GBP5: variants seen among roughly 807,000 people sequenced by gnomAD.
The protein encoded by GBP5 is guanylate-binding protein 5.
GBP5 carries 48 observed loss-of-function variants against 58.2 expected under a neutral mutation model. That is an observed-to-expected ratio of 0.83 (90% CI 0.65 to 1.05). The LOEUF is 1.05. Among genes scored for constraint, GBP5 ranks in the 50% least tolerant of loss-of-function variants. The pLI, the probability that GBP5 is intolerant of heterozygous loss-of-function variation, is 0.00. For missense variants in GBP5, 714 were observed against 686.8 expected, an observed-to-expected ratio of 1.04 and a Z score of -0.44; for synonymous variants, 248 against 251.8, an observed-to-expected ratio of 0.98 and a Z score of 0.14.
Position 89,266,498 on chromosome 1 carries a change from G to A in GBP5, c.716C>T (p.Pro239Leu). The A allele has an allele frequency of 6.2e-7, 1 of 1,614,036 alleles. No homozygotes were observed. Among genetic ancestry groups the A allele is most frequent in the African/African-American group, 1.3e-5 (1 of 75,028 alleles). The part of the protein sequence containing the change: ...PKKKCFIFDL[P>L]AHQKKLAQLE... ...TTGGGCAAGCTTTTTTTGGTGAGCAGGTAAGTCAAAGATAAAGCATTTCTT... is the reference window on the plus strand; with the variant it reads ...TTGGGCAAGCTTTTTTTGGTGAGCAAGTAAGTCAAAGATAAAGCATTTCTT... The change falls in exon 7 of 12, where the codon CCT (proline) becomes CTT (leucine). Residue 239 changes from proline (P) to leucine (L), a missense_variant. Coordinates refer to ENST00000370459, the MANE Select transcript of GBP5 (RefSeq NM_052942.5).
At position 89,257,332 on chromosome 1, in the gene GBP5, A is replaced by G. The variant is rs975874048; in HGVS notation, c.*3372T>C. Reference sequence around the variant, plus strand: ...GCGACTTATTCACTATCATGAAAAAAGCACATGAAAACCCACCCCCATGAT... The same window carrying G: ...GCGACTTATTCACTATCATGAAAAAGGCACATGAAAACCCACCCCCATGAT... On this transcript the variant is annotated 3_prime_UTR_variant, in exon 12 of 12. Transcript: ENST00000370459. 3.9e-5 allele frequency among the ~76,000 whole-genome samples: 6 copies of G among 152,148 alleles called. No individual in the cohort carries two copies. Among genetic ancestry groups the G allele is most frequent in the African/African-American group, 1.4e-4 (6 of 41,418 alleles).
rs997166255 is a variant in GBP5 at position 89,259,612 on chromosome 1, C to T, written c.*1092G>A. ...AGCCCAGTTAGGGACACCCTGCCCC[C>T]AGAGGAATATAACAAGCCCCCTCCC... On this transcript the variant is annotated 3_prime_UTR_variant, in exon 12 of 12. Transcript: ENST00000370459. 1.3e-5 allele frequency: 2 copies of T among 152,076 alleles called. No homozygotes were observed. Among genetic ancestry groups the T allele is most frequent in the Non-Finnish European group, 2.9e-5 (2 of 68,032 alleles). 9.4% of individuals were successfully genotyped at this position (152,076 alleles called of 1,614,324 possible). A position where few individuals can be genotyped will look rare whatever the true frequency, so the allele number is the denominator to read the frequency against.
chr1:89,264,900 T>C lies in GBP5; in HGVS notation c.935A>G (p.Asn312Ser), dbSNP rs1319316736. 1 of 1,614,128 alleles carries C rather than the reference T, an allele frequency of 6.2e-7. No individual in the cohort carries two copies. Among genetic ancestry groups the C allele is most frequent in the African/African-American group, 1.3e-5 (1 of 74,924 alleles). Residue 312 changes from asparagine to serine, a missense_variant, in exon 8 of 12, where the codon AAT becomes AGT. Transcript: ENST00000370459. ...ISSGDLPCIENAVLALAQREN... is the reference protein window; with the variant it reads ...ISSGDLPCIESAVLALAQREN... Reference sequence around the variant, plus strand: ...TCTCTGAGCCAAGGCCAGGACTGCATTCTCTATGCAAGGCAGATCCCCACT... The same window carrying C: ...TCTCTGAGCCAAGGCCAGGACTGCACTCTCTATGCAAGGCAGATCCCCACT...
intron 6 of GBP5, 106 bp from the exon 7 acceptor site, chr1:89,266,694 T>G: frequency 8.9e-7 from 1 of 1,121,368 alleles, no homozygotes; most frequent in Non-Finnish European, 1.3e-6. Context: ...GATTAATATA[T>G]CTTCATAAAC....
rs986563613 is a variant in GBP5 at position 89,257,081 on chromosome 1, T to C, written c.*3623A>G. ...TTTAACACATTATTCAGTATTTCTATGTTTTCCTAAGTATATTAGTCCATT... is the reference window on the plus strand; with the variant it reads ...TTTAACACATTATTCAGTATTTCTACGTTTTCCTAAGTATATTAGTCCATT... On this transcript the variant is annotated 3_prime_UTR_variant, in exon 12 of 12. Transcript: ENST00000370459. Among the ~76,000 whole-genome samples the C allele has an allele frequency of 6.6e-6, 1 of 152,254 alleles. No homozygotes were observed. The highest frequency in any genetic ancestry group is 2.4e-5 in the African/African-American group (1 of 41,466).
rs993943901 is a variant in GBP5 at position 89,263,729 on chromosome 1, G to T, written c.1362+7C>A. The T allele has an allele frequency of 1.9e-6, 3 of 1,599,848 alleles. No homozygotes were observed. The African/African-American group carries it at 4.0e-5, about 21-fold the overall frequency. ...CAATTCTCCACAATAGGTAGAACTA[G>T]GGATACCTGTATTCCTTTCCGAGGC... is the stretch of plus-strand genomic sequence containing the variant. On this transcript the variant is annotated splice_region_variant and intron_variant, in intron 9 of 11. Coordinates refer to ENST00000370459, the MANE Select transcript of GBP5 (RefSeq NM_052942.5).
At chr1:89,262,188 G>A (rs1194484780) in intron 11 of GBP5, 32 bp downstream of exon 11, 9 of 1,602,996 alleles carry the variant, frequency 5.6e-6, no homozygotes, top group Non-Finnish European at 7.7e-6. Flanking sequence ...CATCGTTACA[G>A]GCAGGGGAGA....
chr1:89,262,798 A>G lies in GBP5; in HGVS notation c.1363-13T>C. On this transcript the variant is annotated splice_polypyrimidine_tract_variant and intron_variant, in intron 9 of 11. Coordinates refer to ENST00000370459, the MANE Select transcript of GBP5 (RefSeq NM_052942.5). ...GAACTTCTTCAGCCTAGCAACCCGG[A>G]AAACATGCAGTTAGATGCAGGAAAT... 6.8e-7 allele frequency: 1 copy of G among 1,477,072 alleles called. No individual in the cohort carries two copies. Among genetic ancestry groups the G allele is most frequent in the Non-Finnish European group, 9.2e-7 (1 of 1,087,784 alleles). 91.5% of individuals were successfully genotyped at this position (1,477,072 alleles called of 1,614,324 possible).
At chr1:89,267,286 GCTC>G (rs1397949631) in intron 5 of GBP5, 128 bp downstream of exon 5, 1 of 964,346 alleles carries the variant, frequency 1.0e-6, no homozygotes, top group African/African-American at 1.7e-5. Context: ...AAATATAAGG[GCTC>G]CTTTCTTTGT....
chr1:89,272,225 A>G (rs1570419982), intron 1 of GBP5: 1 of 152,234 alleles, frequency 6.6e-6, no homozygotes, highest in East Asian at 1.9e-4. Context: ...ATTTGAAGGC[A>G]TTTCAAACTC....
rs973038560 is a variant in GBP5, at chr1:89,268,395, T to C, written c.318+334A>G. Among the ~76,000 whole-genome samples the C allele has an allele frequency of 4.6e-5, 7 of 152,330 alleles. 1 individual carries two copies. Among genetic ancestry groups the C allele is most frequent in the African/African-American group, 2.4e-5 (1 of 41,580 alleles). ...AAAGCTACAAGTGCTAGAGCTCTGA[T>C]TGGAACACAAGTTCATTTAAGAACA... is the stretch of plus-strand genomic sequence containing the variant. On this transcript the variant is annotated intron_variant, in intron 4 of 11. Coordinates refer to ENST00000370459, the MANE Select transcript of GBP5 (RefSeq NM_052942.5).
chr1:89,264,676 A>G lies in GBP5; in HGVS notation c.1149+10T>C, dbSNP rs200752135. 164 of 1,609,936 alleles carry G rather than the reference A, an allele frequency of 1.0e-4. No individual in the cohort carries two copies. Among genetic ancestry groups the G allele is most frequent in the African/African-American group, 4.0e-5 (3 of 74,770 alleles). On this transcript the variant is annotated intron_variant, in intron 8 of 11. Coordinates refer to ENST00000370459, the MANE Select transcript of GBP5 (RefSeq NM_052942.5). ...CCTTAATCCCCATGAACTAGAAACA[A>G]AAATATCACCTCCAATTCTTTCTGG... is the stretch of plus-strand genomic sequence containing the variant.
Position 89,263,723 on chromosome 1 carries a change from G to A in GBP5, c.1362+13C>T. On this transcript the variant is annotated intron_variant, in intron 9 of 11. Transcript: ENST00000370459. ...CCTCAGCAATTCTCCACAATAGGTA[G>A]AACTAGGGATACCTGTATTCCTTTC... 1 of 1,587,690 alleles carries A rather than the reference G, an allele frequency of 6.3e-7. No homozygotes were observed. Among genetic ancestry groups the A allele is most frequent in the Non-Finnish European group, 8.6e-7 (1 of 1,156,572 alleles).
At chr1:89,264,636 A>G in intron 8 of GBP5, 50 bp downstream of exon 8, 5 of 1,530,344 alleles carry the variant, frequency 3.3e-6, no homozygotes, top group South Asian at 2.3e-5. Context: ...TCAAAGCAAT[A>G]CTTTGCCTTC....
intron 7 of GBP5, 55 bp from the exon 8 acceptor site, chr1:89,265,021 A>T: frequency 6.7e-7 from 1 of 1,498,304 alleles, no homozygotes. Flanking sequence ...GACATGATTG[A>T]TACAGTAATT....
At position 89,262,298 on chromosome 1, in the gene GBP5, C is replaced by G. The variant is rs1375752999; in HGVS notation, c.1569G>C (p.Gln523His). The change falls in exon 11 of 12, where the codon CAG becomes CAC. Residue 523 changes from glutamine to histidine, a missense_variant. Transcript: ENST00000370459. ...QMMQERERLH[Q>H]EQVRQMEIAK... The stretch of plus-strand genomic sequence containing the variant: ...CTATCTCCATTTGTCTCACTTGTTC[C>G]TGATGGAGTCTCTCCCTCTCCTGCA... 6.2e-7 allele frequency: 1 copy of G among 1,614,160 alleles called. No homozygotes were observed. The highest frequency in any genetic ancestry group is 1.7e-5 in the Admixed American group (1 of 60,024).
intron 9 of GBP5, 170 bp from the exon 10 acceptor site, chr1:89,262,955 GT>G (rs1310751487): frequency 4.3e-6 from 2 of 465,680 alleles, no homozygotes; most frequent in East Asian, 7.4e-5. Context: ...CCTGCACTTG[GT>G]GGAACTGCCA....
At position 89,260,690 on chromosome 1, in the gene GBP5, C is replaced by T. The variant is rs748659927; in HGVS notation, c.*14G>A. 3.9e-6 allele frequency: 6 copies of T among 1,540,780 alleles called. No individual in the cohort carries two copies. Among genetic ancestry groups the T allele is most frequent in the Non-Finnish European group, 5.4e-6 (6 of 1,114,000 alleles). ...GACAAAGAGTAAAAAAAGGAAACTC[C>T]CATATTTAGCACTTTAGAGTAAAAC... is the stretch of plus-strand genomic sequence containing the variant. On this transcript the variant is annotated 3_prime_UTR_variant, in exon 12 of 12. Transcript: ENST00000370459.
At chr1:89,271,497 A>G (rs535743498) in intron 1 of GBP5, 13 of 152,356 alleles carry the variant, frequency 8.5e-5, no homozygotes, top group South Asian at 2.1e-4. Flanking sequence ...ATACTAAGAG[A>G]AAATGCTCAG....
Sources: allele counts gnomAD v4.1 joint callset (sites outside exome capture counted in the v4.1 genomes callset), GRCh38; gene constraint gnomAD v4.1.1; transcripts MANE v1.5; gene names NCBI Gene and HGNC (gene_info 2026-07-23, HGNC 2026-07-21).